Variants in PDE7B observed in about 807,000 individuals in gnomAD.
PDE7B encodes 3',5'-cyclic-AMP phosphodiesterase 7B.
In PDE7B, 29 loss-of-function variants were observed where a neutral mutation model predicts 56.2. That is an observed-to-expected ratio of 0.52 (90% CI 0.38 to 0.70). The LOEUF (loss-of-function observed/expected upper bound fraction) is 0.70, where lower values mean the gene tolerates loss of function less well. PDE7B is among the 30% of genes least tolerant of loss of function. The pLI is 0.00. For synonymous variants in PDE7B, 197 were observed against 196.9 expected (o/e 1.00, Z 0.00); for missense variants, 490 against 565.0 (o/e 0.87, Z 1.35).
chr6:135,918,484 C>G (rs1294308886), intron 1 of PDE7B, among the ~76,000 whole-genome samples: 1 of 152,184 alleles, frequency 6.6e-6, no homozygotes, highest in African/African-American at 2.4e-5. Context: ...TCTTTCACAT[C>G]TGGTGTCATC....
chr6:136,181,162 T>G, intron 10 of PDE7B, 65 bp from the exon 11 acceptor site: 3 of 1,137,970 alleles, frequency 2.6e-6, no homozygotes, highest in Non-Finnish European at 4.0e-6. Context: ...CCTCTTTGGC[T>G]TGGGGTGCTT....
intron 2 of PDE7B, among the ~76,000 whole-genome samples, chr6:135,948,840 G>A (rs1424949650): frequency 6.9e-6 from 1 of 145,398 alleles, no homozygotes; most frequent in African/African-American, 2.6e-5. Context: ...AATATTTCAG[G>A]TACTAGATAG....
At chr6:135,873,645 A>G (rs186535018) in intron 1 of PDE7B, among the ~76,000 whole-genome samples, 8 of 152,278 alleles carry the variant, frequency 5.3e-5, no homozygotes, top group Non-Finnish European at 1.2e-4. Context: ...TGTGATTGCA[A>G]TAGCAACATA....
chr6:135,890,063 T>C (rs1370222705), intron 1 of PDE7B, among the ~76,000 whole-genome samples: 1 of 152,192 alleles, frequency 6.6e-6, no homozygotes, highest in African/African-American at 2.4e-5. Flanking sequence ...GGTGCTACTT[T>C]TTATATCAGT....
At chr6:136,068,592 G>A (rs1247156200) in intron 2 of PDE7B, among the ~76,000 whole-genome samples, 8 of 151,898 alleles carry the variant, frequency 5.3e-5, no homozygotes, top group African/African-American at 1.9e-4. Flanking sequence ...CACCACGCCC[G>A]GCTAATTTTT....
chr6:136,017,594 G>T (rs1775998225), intron 2 of PDE7B, among the ~76,000 whole-genome samples: 1 of 149,408 alleles, frequency 6.7e-6, no homozygotes, highest in South Asian at 2.1e-4. Flanking sequence ...TGCGGTGTTT[G>T]GTTTTTGTCC....
chr6:135,933,290 AC>A (rs1774327072), intron 1 of PDE7B, among the ~76,000 whole-genome samples: 2 of 152,242 alleles, frequency 1.3e-5, no homozygotes, highest in South Asian at 4.1e-4. Context: ...ACACACACAT[AC>A]CTGCACAAGA....
chr6:136,049,730 A>G (rs1365461477), intron 2 of PDE7B, among the ~76,000 whole-genome samples: 1 of 152,210 alleles, frequency 6.6e-6, no homozygotes, highest in Non-Finnish European at 1.5e-5. Flanking sequence ...AATGATTGAG[A>G]ATGGAGATTA....
At chr6:136,101,998 C>T (rs997067475) in intron 2 of PDE7B, among the ~76,000 whole-genome samples, 4 of 152,166 alleles carry the variant, frequency 2.6e-5, no homozygotes, top group Non-Finnish European at 4.4e-5. Context: ...GTACATCATG[C>T]GTAGTTGTTC....
At chr6:135,995,655 T>A (rs1775552463) in intron 2 of PDE7B, among the ~76,000 whole-genome samples, 1 of 152,212 alleles carries the variant, frequency 6.6e-6, no homozygotes, top group African/African-American at 2.4e-5. Context: ...CAAAACAGGT[T>A]ATCTTCCTCT....
At chr6:135,970,819 G>C (rs903733453) in intron 2 of PDE7B, among the ~76,000 whole-genome samples, 2 of 152,158 alleles carry the variant, frequency 1.3e-5, no homozygotes, top group Non-Finnish European at 2.9e-5. Context: ...TAGTGGGGCA[G>C]CGAGACGTTT....
rs114924277 is a variant in PDE7B at position 136,112,100 on chromosome 6, A to C, written c.166+3286A>C. Among the ~76,000 whole-genome samples the C allele has an allele frequency of 4.4e-3, 668 of 152,138 alleles. 4 individuals are homozygous for C. The highest frequency in any genetic ancestry group is 0.015 in the African/African-American group (640 of 41,510). On this transcript the variant is annotated intron_variant, in intron 3 of 12. Coordinates refer to ENST00000308191, the MANE Select transcript of PDE7B (RefSeq NM_018945.4). ...GTCCCTCCCCCACCCACCTCAGTAT[A>C]TGCATTGAATCACTGGAGCACGCAA...
intron 3 of PDE7B, among the ~76,000 whole-genome samples, chr6:136,119,414 G>T (rs771143326): frequency 3.3e-5 from 5 of 151,954 alleles, no homozygotes; most frequent in Non-Finnish European, 7.4e-5. Context: ...TTCAATGTCC[G>T]CCAGAAAAAG....
chr6:136,064,622 C>G lies in PDE7B; in HGVS notation c.83-44109C>G, dbSNP rs559044045. The G allele has an allele frequency of 2.6e-5, 4 of 152,364 alleles. No homozygotes were observed. In the South Asian group the frequency reaches 6.2e-4, roughly 24 times the overall value. The allele number at this position is 152,364 out of a possible 1,614,324, so 9.4% of individuals were successfully genotyped here. On this transcript the variant is annotated intron_variant, in intron 2 of 12. Coordinates refer to ENST00000308191, the MANE Select transcript of PDE7B (RefSeq NM_018945.4). ...GTTTTCTCCACCTTCATCTTCGGAACCTTCACCAAGAACTTTACAACAGAG... is the reference window on the plus strand; with the variant it reads ...GTTTTCTCCACCTTCATCTTCGGAAGCTTCACCAAGAACTTTACAACAGAG...
At chr6:136,060,954 T>C (rs1215849356) in intron 2 of PDE7B, among the ~76,000 whole-genome samples, 1 of 152,220 alleles carries the variant, frequency 6.6e-6, no homozygotes, top group Non-Finnish European at 1.5e-5. Context: ...TCATACTATT[T>C]TCTGGAACAT....
chr6:136,084,930 CTCTTT>C (rs1381666584), intron 2 of PDE7B, among the ~76,000 whole-genome samples: 1 of 152,136 alleles, frequency 6.6e-6, no homozygotes, highest in Non-Finnish European at 1.5e-5. Flanking sequence ...TCTCCATGAC[CTCTTT>C]TTTTTCTTCA....
rs1273694326 is a variant in PDE7B at position 135,934,729 on chromosome 6, CAAAA to C, written c.22-12727_22-12724del. Among the ~76,000 whole-genome samples, 10 of 46,228 alleles carry C rather than the reference CAAAA, an allele frequency of 2.2e-4. No individual in the cohort carries two copies. In the South Asian group the frequency reaches 3.8e-3, roughly 17 times the overall value. 30.3% of individuals were successfully genotyped at this position (46,228 alleles called of 152,430 possible). A position where few individuals can be genotyped will look rare whatever the true frequency, so the allele number is the denominator to read the frequency against. On this transcript the variant is annotated intron_variant, in intron 1 of 12. Coordinates refer to ENST00000308191, the MANE Select transcript of PDE7B (RefSeq NM_018945.4). Reference sequence around the variant, plus strand: ...TGGAGACAAGAGTGAAACTCTGTCTCAAAAAAAAAAATATATATATATATATTTT... The same window carrying C: ...TGGAGACAAGAGTGAAACTCTGTCTCAAAAAAATATATATATATATATTTT...
At chr6:136,002,741 A>T (rs190108042) in intron 2 of PDE7B, among the ~76,000 whole-genome samples, 1,606 of 152,240 alleles carry the variant, frequency 0.011, 27 homozygotes, top group African/African-American at 0.036. Context: ...GACTCCCACA[A>T]ATTAATAATG....
intron 2 of PDE7B, chr6:136,038,589 T>C (rs558759896): frequency 1.7e-6 from 2 of 1,200,418 alleles, no homozygotes; most frequent in East Asian, 1.1e-4. Context: ...ACTCCCTTTC[T>C]TTGTAGAGTC....
Sources: allele counts gnomAD v4.1 joint callset (sites outside exome capture counted in the v4.1 genomes callset), GRCh38; gene constraint gnomAD v4.1.1; transcripts MANE v1.5; gene names NCBI Gene and HGNC (gene_info 2026-07-23, HGNC 2026-07-21).